Variants in PUSL1 observed in about 807,000 individuals in gnomAD.
PUSL1 encodes pseudouridine synthase like 1, also known as tRNA pseudouridine synthase-like 1.
PUSL1 carries 51 observed loss-of-function variants against 30.7 expected under a neutral mutation model. That is an observed-to-expected ratio of 1.66 (90% CI 1.33 to 2.10). The LOEUF is 2.10. Ranked by LOEUF, PUSL1 falls within the 30% of genes most tolerant of loss-of-function variation. PUSL1 has a pLI of 0.00. For missense variants in PUSL1, 609 were observed against 427.6 expected, an observed-to-expected ratio of 1.42 and a Z score of -3.74; for synonymous variants, 290 against 192.1, an observed-to-expected ratio of 1.51 and a Z score of -4.21.
intron 3 of PUSL1, 82 bp downstream of exon 3, chr1:1,309,355 ACTTC>A: frequency 1.4e-6 from 2 of 1,468,604 alleles, no homozygotes; most frequent in East Asian, 2.5e-5. Flanking sequence ...ATCTGGACAG[ACTTC>A]CTTGTCTGGT....
chr1:1,309,331 G>A (rs1180552793), intron 3 of PUSL1, 58 bp downstream of exon 3: 2 of 1,448,370 alleles, frequency 1.4e-6, no homozygotes, highest in Non-Finnish European at 1.8e-6. Context: ...ATCTGTCGCG[G>A]GCGGAGGCTG....
chr1:1,308,612 G>C lies in PUSL1; in HGVS notation c.-32G>C. On this transcript the variant is annotated 5_prime_UTR_variant, in exon 1 of 8. Coordinates refer to ENST00000379031, the MANE Select transcript of PUSL1 (RefSeq NM_153339.3). ...CGCGCGCAGGATTCCTGCGCTGGAG[G>C]CCGCCTCTGACGCCACCGGCTGGGC... The C allele has an allele frequency of 7.2e-7, 1 of 1,386,816 alleles. No individual in the cohort carries two copies. Among genetic ancestry groups the C allele is most frequent in the South Asian group, 1.4e-5 (1 of 73,598 alleles). 85.9% of individuals were successfully genotyped at this position (1,386,816 alleles called of 1,614,324 possible). A position where few individuals can be genotyped will look rare whatever the true frequency, so the allele number is the denominator to read the frequency against.
rs972739749 is a variant in PUSL1, at chr1:1,311,168, C to T, written c.862+97C>T. Reference sequence around the variant, plus strand: ...GGCCAGGGGCCACTGACGGCAGCAACTGGGGGTGAAGCAGCCCCCCGCCCA... The same window carrying T: ...GGCCAGGGGCCACTGACGGCAGCAATTGGGGGTGAAGCAGCCCCCCGCCCA... On this transcript the variant is annotated intron_variant, in intron 7 of 7. Coordinates refer to ENST00000379031, the MANE Select transcript of PUSL1 (RefSeq NM_153339.3). The T allele has an allele frequency of 6.7e-6, 10 of 1,489,100 alleles. No homozygotes were observed. The East Asian group carries it at 2.3e-4, about 34-fold the overall frequency. 92.2% of individuals were successfully genotyped at this position (1,489,100 alleles called of 1,614,324 possible).
In PUSL1 at chr1:1,310,693, GCT is replaced by G; in HGVS notation, c.699+8_699+9del. The G allele has an allele frequency of 1.9e-6, 3 of 1,610,442 alleles. No homozygotes were observed. Among genetic ancestry groups the G allele is most frequent in the Non-Finnish European group, 2.5e-6 (3 of 1,178,000 alleles). On this transcript the variant is annotated splice_donor_region_variant and intron_variant, in intron 6 of 7. Coordinates refer to ENST00000379031, the MANE Select transcript of PUSL1 (RefSeq NM_153339.3). ...CAGTCTTTCCTGTATAGACAGGTAG[GCT>G]CTGTTCTGGGGCCGTCCCCAGGGGG...
At chr1:1,311,276 A>C in intron 7 of PUSL1, 54 bp from the exon 8 acceptor site, 1 of 1,477,228 alleles carries the variant, frequency 6.8e-7, no homozygotes, top group Non-Finnish European at 9.0e-7. Flanking sequence ...AGCGGTGGGG[A>C]GGGTGCTGGG....
At chr1:1,311,140 G>A in intron 7 of PUSL1, 69 bp downstream of exon 7, 1 of 1,533,460 alleles carries the variant, frequency 6.5e-7, no homozygotes, top group South Asian at 1.2e-5. Context: ...GCATGGGGTG[G>A]GGGGCCAGGG....
At chr1:1,310,734 G>A (rs2100542630) in intron 6 of PUSL1, 46 bp downstream of exon 6, 4 of 1,612,728 alleles carry the variant, frequency 2.5e-6, no homozygotes, top group Non-Finnish European at 2.5e-6. Flanking sequence ...GGCTGAGGGT[G>A]GGCAGGCCCC....
chr1:1,309,612 G>A lies in PUSL1; in HGVS notation c.473+9G>A, dbSNP rs745513551. 8.1e-6 allele frequency: 13 copies of A among 1,601,762 alleles called. No homozygotes were observed. The highest frequency in any genetic ancestry group is 1.0e-5 in the Non-Finnish European group (12 of 1,171,438). ...TGGACTCTCCCGGCAGAGTGAGTGT[G>A]GCCCTGACAGCGGGGAGGGGGCGGG... is the stretch of plus-strand genomic sequence containing the variant. On this transcript the variant is annotated intron_variant, in intron 4 of 7. Coordinates refer to ENST00000379031, the MANE Select transcript of PUSL1 (RefSeq NM_153339.3).
In PUSL1 at chr1:1,310,648, G is replaced by A. The variant is rs756614612; in HGVS notation, c.659G>A (p.Trp220Ter). ...TATTTTTCCAGGAAGCTGCGGTTCT[G>A]GAACCTGGAGTTTGAGAGCCAGTCT... Reference protein sequence around the residue: ...TPEESRKLRFWNLEFESQSFL... With the variant: ...TPEESRKLRF Residue 220 changes from tryptophan to a stop codon, truncating the protein, a stop_gained, in exon 6 of 8, where the codon TGG becomes TAG. Transcript: ENST00000379031. LOFTEE classifies it high-confidence loss of function. The A allele has an allele frequency of 1.3e-6, 2 of 1,580,472 alleles. No individual in the cohort carries two copies. Among genetic ancestry groups the A allele is most frequent in the South Asian group, 2.3e-5 (2 of 88,272 alleles).
Position 1,310,911 on chromosome 1 carries a change from A to G in PUSL1, c.702A>G (p.Val234=). 1 of 1,590,932 alleles carries G rather than the reference A, an allele frequency of 6.3e-7. No homozygotes were observed. Among genetic ancestry groups the G allele is most frequent in the Non-Finnish European group, 8.5e-7 (1 of 1,178,574 alleles). The part of the protein sequence containing the change: ...FESQSFLYRQ[V]RRMTAVLVAV... ...TCACAGGTGGCTCTGGGTCACAGGTACGGAGGATGACGGCTGTGCTGGTGG... is the reference window on the plus strand; with the variant it reads ...TCACAGGTGGCTCTGGGTCACAGGTGCGGAGGATGACGGCTGTGCTGGTGG... The change falls in exon 7 of 8, where the codon GTA becomes GTG. Residue 234 remains valine (V), a splice_region_variant and synonymous_variant. Coordinates refer to ENST00000379031, the MANE Select transcript of PUSL1 (RefSeq NM_153339.3).
rs1425923164 is a variant in PUSL1, at chr1:1,310,969, G to A, written c.760G>A (p.Val254Met). The A allele has an allele frequency of 8.1e-6, 13 of 1,612,980 alleles. 1 individual carries two copies. Among genetic ancestry groups the A allele is most frequent in the Middle Eastern group, 1.7e-4 (1 of 6,060 alleles). ...VGLGALAPAQ[V>M]KTILESQDPL... ...GCTGGGGGCTTTGGCACCTGCCCAG[G>A]TGAAGACGATTCTGGAGAGCCAAGA... The change falls in exon 7 of 8, where the codon GTG becomes ATG. Residue 254 changes from valine (V) to methionine (M), a missense_variant. Transcript: ENST00000379031.
At chr1:1,311,197 C>A in intron 7 of PUSL1, 126 bp downstream of exon 7, 1 of 1,420,686 alleles carries the variant, frequency 7.0e-7, no homozygotes, top group Non-Finnish European at 9.5e-7. Context: ...CCGCCCAGGG[C>A]TGCAGTCCCT....
chr1:1,311,072 G>A lies in PUSL1; in HGVS notation c.862+1G>A, dbSNP rs1366759440. The A allele has an allele frequency of 4.4e-6, 7 of 1,595,184 alleles. No homozygotes were observed. Among genetic ancestry groups the A allele is most frequent in the Admixed American group, 1.7e-5 (1 of 59,164 alleles). On this transcript the variant is annotated splice_donor_variant, in intron 7 of 7. Transcript: ENST00000379031. LOFTEE classifies it high-confidence loss of function. Reference sequence around the variant, plus strand: ...AAGTCAGTGCTGTACGGGAACCTCGGTAAGAAAAACAGGCACGAGAAGCTC... The same window carrying A: ...AAGTCAGTGCTGTACGGGAACCTCGATAAGAAAAACAGGCACGAGAAGCTC...
rs746279499 is a variant in PUSL1, at chr1:1,309,846, G to A, written c.639G>A (p.Glu213=). Residue 213 remains glutamate, a synonymous_variant, in exon 5 of 8, where the codon GAG becomes GAA. Transcript: ENST00000379031. ...GQASPLVTPE[E]SRKLRFWNLE... is the part of the protein sequence containing the mutation. ...CCAGCCCCTTGGTCACCCCCGAGGA[G>A]AGCAGGTGAGGAAGGGCCCCTGGGC... The A allele has an allele frequency of 1.3e-6, 2 of 1,516,164 alleles. No individual in the cohort carries two copies. The highest frequency in any genetic ancestry group is 2.5e-5 in the South Asian group (2 of 80,922). The allele number at this position is 1,516,164 out of a possible 1,614,324, so 93.9% of individuals were successfully genotyped here.
Position 1,309,481 on chromosome 1 carries a change from C to T in PUSL1, c.351C>T (p.Ser117=), listed in dbSNP as rs1413409113. Residue 117 remains serine, a synonymous_variant, in exon 4 of 8, where the codon AGC becomes AGT. Coordinates refer to ENST00000379031, the MANE Select transcript of PUSL1 (RefSeq NM_153339.3). ...TCCTGCGGGCCTTCCGAGTGCCCAG[C>T]GACTTCCACGCTCGTCACGCAGCCA... ...IRVLRAFRVP[S]DFHARHAATS... 6.2e-7 allele frequency: 1 copy of T among 1,606,670 alleles called. No homozygotes were observed. The highest frequency in any genetic ancestry group is 8.5e-7 in the Non-Finnish European group (1 of 1,177,166).
intron 5 of PUSL1, 165 bp downstream of exon 5, chr1:1,310,016 C>T (rs1056414530): frequency 3.6e-5 from 20 of 558,162 alleles, no homozygotes; most frequent in African/African-American, 3.3e-4. Flanking sequence ...CCCCAGCCTC[C>T]AGCTGTGCCC....
At position 1,309,503 on chromosome 1, in the gene PUSL1, G is replaced by A; in HGVS notation, c.373G>A (p.Ala125Thr). The change falls in exon 4 of 8, where the codon GCC (alanine) becomes ACC (threonine). Residue 125 changes from alanine (A) to threonine (T), a missense_variant. Coordinates refer to ENST00000379031, the MANE Select transcript of PUSL1 (RefSeq NM_153339.3). ...CAGCGACTTCCACGCTCGTCACGCA[G>A]CCACGTCCCGGACCTACCTGTACCG... ...VPSDFHARHA[A>T]TSRTYLYRLA... 2 of 1,609,836 alleles carry A rather than the reference G, an allele frequency of 1.2e-6. No homozygotes were observed. The highest frequency in any genetic ancestry group is 1.1e-5 in the South Asian group (1 of 90,580).
intron 6 of PUSL1, 102 bp from the exon 7 acceptor site, chr1:1,310,807 T>C: frequency 6.2e-7 from 1 of 1,609,938 alleles, no homozygotes; most frequent in Non-Finnish European, 8.5e-7. Context: ...ATGACGGCTG[T>C]GCTGGTGGGT....
chr1:1,308,767 A>AGGCGGG (rs1641912373), intron 1 of PUSL1, 47 bp downstream of exon 1: 1 of 1,472,690 alleles, frequency 6.8e-7, no homozygotes. Flanking sequence ...GCCCGGGCGG[A>AGGCGGG]GGCGGGAAGG....
Sources: gnomAD v4.1 joint callset for allele counts on GRCh38, gnomAD v4.1.1 for gene constraint, MANE v1.5 for transcripts, NCBI Gene and HGNC (gene_info 2026-07-23, HGNC 2026-07-21) for gene names.